YEATS2: variants seen among roughly 807,000 people sequenced by gnomAD.
YEATS2 encodes the protein YEATS domain-containing protein 2.
A neutral mutation model predicts 163.2 loss-of-function variants in YEATS2; 77 were observed. The ratio of observed to expected loss-of-function variants is 0.47; its 90% CI spans 0.39 to 0.57. The LOEUF (loss-of-function observed/expected upper bound fraction) is 0.57. Ranked by LOEUF, YEATS2 falls within the 20% of genes least tolerant of loss-of-function variation. The probability of loss-of-function intolerance (pLI) is 0.00; values close to 1 mark genes in which losing one functional copy is unlikely to be tolerated. For synonymous variants in YEATS2, 631 were observed against 645.1 expected, an observed-to-expected ratio of 0.98 and a Z score of 0.33; for missense variants, 1,549 against 1,729.8, an observed-to-expected ratio of 0.90 and a Z score of 1.85.
intron 19 of YEATS2, among the ~76,000 whole-genome samples, chr3:183,782,936 C>T (rs1723720329): frequency 6.6e-6 from 1 of 152,236 alleles, no homozygotes; most frequent in Admixed American, 6.5e-5. Context: ...TACTGTTTGA[C>T]TATCCCAGAG....
intron 8 of YEATS2, among the ~76,000 whole-genome samples, chr3:183,741,610 C>T (rs904756479): frequency 3.3e-5 from 5 of 151,448 alleles, no homozygotes; most frequent in African/African-American, 1.2e-4. Context: ...GGCAAAACCC[C>T]GTCTCTACTA....
At chr3:183,779,447 G>A (rs1040365936) in intron 19 of YEATS2, among the ~76,000 whole-genome samples, 7 of 152,220 alleles carry the variant, frequency 4.6e-5, no homozygotes, top group Non-Finnish European at 1.0e-4. Context: ...GTGCACAGGT[G>A]AGACAGTTCC....
At chr3:183,777,501 A>G (rs1163038841) in intron 18 of YEATS2, 41 bp from the exon 19 acceptor site, 2 of 1,601,838 alleles carry the variant, frequency 1.2e-6, no homozygotes, top group Non-Finnish European at 8.5e-7. Context: ...TCTGAATTTA[A>G]CAAATTACCG....
chr3:183,744,566 T>G (rs1435483147), intron 8 of YEATS2, among the ~76,000 whole-genome samples: 1 of 152,210 alleles, frequency 6.6e-6, no homozygotes, highest in Non-Finnish European at 1.5e-5. Flanking sequence ...TGGTGGAAGA[T>G]TATTGGAGAC....
chr3:183,808,970 C>T, intron 29 of YEATS2, 127 bp from the exon 30 acceptor site: 1 of 834,088 alleles, frequency 1.2e-6, no homozygotes, highest in South Asian at 1.6e-5. Context: ...TTAATTTTTT[C>T]TTAAGGACTT....
At chr3:183,736,878 G>C in intron 8 of YEATS2, 49 bp downstream of exon 8, 2 of 1,518,170 alleles carry the variant, frequency 1.3e-6, no homozygotes, top group Non-Finnish European at 1.8e-6. Context: ...CTTTTTACCA[G>C]CTACAATTGA....
At position 183,807,086 on chromosome 3, in the gene YEATS2, A is replaced by G. The variant is rs1437273910; in HGVS notation, c.4005A>G (p.Thr1335=). ...TPGSEFIGDV[T]QKIGITLQPV... is the part of the protein sequence containing the mutation. ...GGTCTGAATTTATTGGGGATGTCAC[A>G]CAGAAGGTAGGGGTTGTGGTGTTAA... Residue 1335 remains threonine, a synonymous_variant, in exon 28 of 31, where the codon ACA becomes ACG. Coordinates refer to ENST00000305135, the MANE Select transcript of YEATS2 (RefSeq NM_018023.5). 4.3e-6 allele frequency: 7 copies of G among 1,612,720 alleles called. No homozygotes were observed. The highest frequency in any genetic ancestry group is 5.9e-6 in the Non-Finnish European group (7 of 1,179,568).
chr3:183,727,280 C>T (rs943790396), intron 6 of YEATS2, among the ~76,000 whole-genome samples: 1 of 152,136 alleles, frequency 6.6e-6, no homozygotes, highest in Non-Finnish European at 1.5e-5. Context: ...GACGTAACTA[C>T]AGATGCTGTA....
chr3:183,778,163 A>C (rs1214727260), intron 19 of YEATS2, among the ~76,000 whole-genome samples: 1 of 151,772 alleles, frequency 6.6e-6, no homozygotes, highest in Non-Finnish European at 1.5e-5. Context: ...TAAAAAATAT[A>C]GAAAAACAAA....
intron 7 of YEATS2, among the ~76,000 whole-genome samples, chr3:183,729,475 A>T (rs1398403401): frequency 1.3e-5 from 2 of 152,208 alleles, no homozygotes; most frequent in Non-Finnish European, 2.9e-5. Flanking sequence ...TAACAGAATT[A>T]AATATAGTAT....
rs1345593655 is a variant in YEATS2, at chr3:183,810,604, G to GA, written c.*23dup. 6.2e-7 allele frequency: 1 copy of GA among 1,607,700 alleles called. No individual in the cohort carries two copies. Among genetic ancestry groups the GA allele is most frequent in the Admixed American group, 1.7e-5 (1 of 59,984 alleles). ...AGTGAGCGGAGTGAGGTGCCCTGGA[G>GA]AAGCAGGCTTTGAAGGCACAGCGAA... On this transcript the variant is annotated 3_prime_UTR_variant, in exon 31 of 31. Coordinates refer to ENST00000305135, the MANE Select transcript of YEATS2 (RefSeq NM_018023.5).
intron 1 of YEATS2, among the ~76,000 whole-genome samples, chr3:183,704,117 A>T (rs938335045): frequency 6.6e-6 from 1 of 151,396 alleles, no homozygotes; most frequent in African/African-American, 2.4e-5. Flanking sequence ...CGCCACTGCA[A>T]TCCAGCTTGG....
intron 1 of YEATS2, among the ~76,000 whole-genome samples, chr3:183,699,946 T>A (rs1422689568): frequency 6.6e-6 from 1 of 152,102 alleles, no homozygotes; most frequent in Non-Finnish European, 1.5e-5. Context: ...ATGAAACTAA[T>A]GAGTGCAAAT....
intron 7 of YEATS2, among the ~76,000 whole-genome samples, chr3:183,735,587 T>TA (rs1718249894): frequency 6.6e-6 from 1 of 152,256 alleles, no homozygotes; most frequent in South Asian, 2.1e-4. Flanking sequence ...CTGTGCTCGT[T>TA]AATTCACATC....
intron 8 of YEATS2, among the ~76,000 whole-genome samples, chr3:183,741,552 C>G (rs938370749): frequency 6.7e-6 from 1 of 150,012 alleles, no homozygotes; most frequent in African/African-American, 2.4e-5. Flanking sequence ...GAGGCCGAGG[C>G]GAGTGGATCA....
intron 14 of YEATS2, among the ~76,000 whole-genome samples, 192 bp from the exon 15 acceptor site, chr3:183,761,905 T>G (rs1034133996): frequency 1.3e-5 from 2 of 152,236 alleles, no homozygotes; most frequent in Admixed American, 6.5e-5. Context: ...ATCCTACTTT[T>G]GGTCCCTTTA....
At chr3:183,766,219 G>A (rs1721890629) in intron 15 of YEATS2, among the ~76,000 whole-genome samples, 1 of 152,214 alleles carries the variant, frequency 6.6e-6, no homozygotes. Context: ...TGTAACCTGT[G>A]CAGGTTCTGA....
rs546834768 is a variant in YEATS2, at chr3:183,805,881, G to T, written c.3785-985G>T. 2.0e-5 allele frequency among the ~76,000 whole-genome samples: 3 copies of T among 152,148 alleles called. No homozygotes were observed. In the East Asian group the frequency reaches 5.8e-4, roughly 30 times the overall value. On this transcript the variant is annotated intron_variant, in intron 27 of 30. Transcript: ENST00000305135. ...TCTCCTTTCTCTCATCTCCTGCAGC[G>T]CTTAATATCAACAGCATGAGGGCTT...
intron 4 of YEATS2, among the ~76,000 whole-genome samples, chr3:183,721,406 A>G (rs918034362): frequency 2.6e-5 from 4 of 152,210 alleles, no homozygotes; most frequent in East Asian, 1.9e-4. Flanking sequence ...AATTCCATAG[A>G]TGTCTATACT....
Sources: gnomAD v4.1 joint callset for allele counts (sites outside exome capture counted in the v4.1 genomes callset) on GRCh38, gnomAD v4.1.1 for gene constraint, MANE v1.5 for transcripts, NCBI Gene and HGNC (gene_info 2026-07-23, HGNC 2026-07-21) for gene names.